Variants in SCHIP1 observed in about 807,000 individuals in gnomAD.
SCHIP1 encodes schwannomin-interacting protein 1.
SCHIP1 carries 8 observed loss-of-function variants against 29.7 expected under a neutral mutation model. That is an observed-to-expected ratio of 0.27 (90% CI 0.16 to 0.49). The LOEUF is 0.49. Among genes scored for constraint, SCHIP1 ranks in the 20% least tolerant of loss-of-function variants. The probability of loss-of-function intolerance (pLI) is 0.99; values close to 1 mark genes in which losing one functional copy is unlikely to be tolerated. For synonymous variants in SCHIP1, 76 were observed against 94.9 expected (o/e 0.80, Z 1.16); for missense variants, 193 against 294.6 (o/e 0.66, Z 2.52).
the SCHIP1 span, among the ~76,000 whole-genome samples, chr3:159,752,819 G>A: frequency 1.3e-5 from 2 of 152,164 alleles, no homozygotes; most frequent in Non-Finnish European, 2.9e-5. Context: ...TAGGGATGCA[G>A]ATCCAAACCG....
the SCHIP1 span, among the ~76,000 whole-genome samples, chr3:159,830,565 T>C: frequency 1.6e-4 from 25 of 152,244 alleles, no homozygotes; most frequent in Non-Finnish European, 3.1e-4. Context: ...GTAAATTTCT[T>C]ATTTATAATT....
chr3:159,694,671 C>T, the SCHIP1 span, among the ~76,000 whole-genome samples: 1 of 151,348 alleles, frequency 6.6e-6, no homozygotes, highest in South Asian at 2.1e-4. Context: ...AATCCAAATC[C>T]CCTAAATTTA....
At chr3:159,289,117 A>C in the SCHIP1 span, among the ~76,000 whole-genome samples, 1 of 152,316 alleles carries the variant, frequency 6.6e-6, no homozygotes, top group African/African-American at 2.4e-5. Context: ...AGCATTGCCA[A>C]CACCCTGGCC....
At chr3:159,689,669 G>A in the SCHIP1 span, among the ~76,000 whole-genome samples, 6 of 152,180 alleles carry the variant, frequency 3.9e-5, no homozygotes, top group South Asian at 8.3e-4. Flanking sequence ...CATCCTTGTC[G>A]TGTGCCAGTT....
chr3:159,295,348 G>A, the SCHIP1 span, among the ~76,000 whole-genome samples: 1 of 150,862 alleles, frequency 6.6e-6, no homozygotes, highest in Non-Finnish European at 1.5e-5. Flanking sequence ...AGAATCACCT[G>A]AACCCGGGAG....
the SCHIP1 span, among the ~76,000 whole-genome samples, chr3:159,561,545 T>A: frequency 6.6e-6 from 1 of 151,940 alleles, no homozygotes; most frequent in Non-Finnish European, 1.5e-5. Context: ...CCTAGAAAAA[T>A]TGCACGTAGA....
chr3:159,492,332 C>A, the SCHIP1 span, among the ~76,000 whole-genome samples: 1 of 151,956 alleles, frequency 6.6e-6, no homozygotes, highest in African/African-American at 2.4e-5. Context: ...GAACCAATGG[C>A]AAAGAAGTTA....
chr3:159,337,721 G>A, the SCHIP1 span, among the ~76,000 whole-genome samples: 7 of 152,084 alleles, frequency 4.6e-5, no homozygotes, highest in East Asian at 7.7e-4. Flanking sequence ...CACCCAAATT[G>A]TTCCACCAAG....
the SCHIP1 span, among the ~76,000 whole-genome samples, chr3:159,661,922 C>G: frequency 6.6e-6 from 1 of 152,168 alleles, no homozygotes; most frequent in Non-Finnish European, 1.5e-5. Context: ...ATATTCAGTT[C>G]TTTGTCCTCC....
chr3:159,289,995 C>G, the SCHIP1 span, among the ~76,000 whole-genome samples: 1 of 152,214 alleles, frequency 6.6e-6, no homozygotes, highest in African/African-American at 2.4e-5. Context: ...AACGAAGCTA[C>G]ACTAAGCAGT....
At chr3:159,383,427 G>T in the SCHIP1 span, among the ~76,000 whole-genome samples, 2 of 151,570 alleles carry the variant, frequency 1.3e-5, no homozygotes, top group Admixed American at 6.6e-5. Context: ...TAGATATGCG[G>T]CGTTATTTCT....
At chr3:159,482,588 G>A in the SCHIP1 span, among the ~76,000 whole-genome samples, 3 of 152,160 alleles carry the variant, frequency 2.0e-5, no homozygotes, top group Admixed American at 1.3e-4. Context: ...ACATAAATAT[G>A]TATTTCTTAA....
At chr3:159,867,963 A>AAAATCAGTGATTTATATATATATATAT (rs1714799466) in intron 2 of SCHIP1, among the ~76,000 whole-genome samples, 1 of 120,988 alleles carries the variant, frequency 8.3e-6, no homozygotes, top group Non-Finnish European at 1.9e-5. Flanking sequence ...TTTGATTTTG[A>AAAATCAGTGATTTATATATATATATAT]AAATCAGTGA....
the SCHIP1 span, among the ~76,000 whole-genome samples, chr3:159,383,186 C>T: frequency 2.1e-3 from 314 of 150,544 alleles, no homozygotes; most frequent in African/African-American, 7.0e-3. Flanking sequence ...CTTGCCCATG[C>T]CTATGTCCTG....
At chr3:159,354,680 C>T in the SCHIP1 span, among the ~76,000 whole-genome samples, 7 of 152,022 alleles carry the variant, frequency 4.6e-5, no homozygotes, top group Admixed American at 3.9e-4. Context: ...CTCTTATTTC[C>T]AAATCTGACT....
the SCHIP1 span, among the ~76,000 whole-genome samples, chr3:159,774,689 T>C: frequency 0.046 from 6,959 of 152,314 alleles, 199 homozygotes; most frequent in Middle Eastern, 0.12. Context: ...CCCAGGTTGA[T>C]AGTTTTTTAA....
At chr3:159,454,575 A>C in the SCHIP1 span, among the ~76,000 whole-genome samples, 3 of 152,170 alleles carry the variant, frequency 2.0e-5, no homozygotes, top group East Asian at 5.8e-4. Flanking sequence ...TGGGTTTGGG[A>C]AGGGGGCATG....
At chr3:159,714,978 C>G in the SCHIP1 span, among the ~76,000 whole-genome samples, 193 of 152,360 alleles carry the variant, frequency 1.3e-3, 1 homozygote, top group African/African-American at 4.4e-3. Context: ...AGTAGCCTAA[C>G]TGGGAGGCAT....
At chr3:159,313,949 C>G in the SCHIP1 span, among the ~76,000 whole-genome samples, 1 of 152,158 alleles carries the variant, frequency 6.6e-6, no homozygotes, top group Non-Finnish European at 1.5e-5. Flanking sequence ...GAGAATACCA[C>G]AGAGGTAAAG....
Sources: allele counts gnomAD v4.1 joint callset (sites outside exome capture counted in the v4.1 genomes callset), GRCh38; gene constraint gnomAD v4.1.1; transcripts MANE v1.5; gene names NCBI Gene and HGNC (gene_info 2026-07-23, HGNC 2026-07-21).